QTMAN: variants seen among roughly 807,000 people sequenced by gnomAD.
QTMAN encodes the protein tRNA-queuosine alpha-mannosyltransferase.
At chr2:143,975,272 T>C in the QTMAN span, among the ~76,000 whole-genome samples, 3 of 152,252 alleles carry the variant, frequency 2.0e-5, no homozygotes, top group African/African-American at 7.2e-5. Context: ...TAAATATTTA[T>C]TGAGGATTTC....
chr2:144,295,790 T>A, the QTMAN span, among the ~76,000 whole-genome samples: 1 of 152,000 alleles, frequency 6.6e-6, no homozygotes, highest in East Asian at 1.9e-4. Context: ...TTTTTAAATT[T>A]TTTTGTAGAG....
chr2:144,104,149 G>A, the QTMAN span, among the ~76,000 whole-genome samples: 1 of 151,872 alleles, frequency 6.6e-6, no homozygotes, highest in Admixed American at 6.6e-5. Flanking sequence ...GGCCAAATAG[G>A]AATAGGTCCA....
At chr2:144,303,866 T>C in the QTMAN span, among the ~76,000 whole-genome samples, 5 of 152,208 alleles carry the variant, frequency 3.3e-5, no homozygotes, top group Admixed American at 3.3e-4. Context: ...CTGGAGGCAC[T>C]CTCTGCATCA....
At chr2:144,142,097 C>G in the QTMAN span, 1 of 1,429,540 alleles carries the variant, frequency 7.0e-7, no homozygotes, top group South Asian at 1.2e-5. Flanking sequence ...AGCCCAGACT[C>G]ATTCAGAGTA....
chr2:144,085,353 T>C, the QTMAN span, among the ~76,000 whole-genome samples: 1 of 152,234 alleles, frequency 6.6e-6, no homozygotes, highest in Non-Finnish European at 1.5e-5. Context: ...ACTGGATGCC[T>C]TGTCAAACGG....
At chr2:143,983,872 TTATTTA>T in the QTMAN span, among the ~76,000 whole-genome samples, 1 of 152,232 alleles carries the variant, frequency 6.6e-6, no homozygotes, top group African/African-American at 2.4e-5. Flanking sequence ...ATCGCCATTT[TTATTTA>T]TAACACAGTT....
At chr2:144,138,809 C>T in the QTMAN span, among the ~76,000 whole-genome samples, 1 of 152,012 alleles carries the variant, frequency 6.6e-6, no homozygotes, top group African/African-American at 2.4e-5. Context: ...AAGGAGAAGG[C>T]ATAATTATCT....
chr2:144,319,534 C>A, the QTMAN span, among the ~76,000 whole-genome samples: 2 of 151,922 alleles, frequency 1.3e-5, no homozygotes, highest in Non-Finnish European at 2.9e-5. Context: ...CCACACCAAC[C>A]AATACCACCA....
At chr2:144,133,155 T>TATATA in the QTMAN span, among the ~76,000 whole-genome samples, 5 of 42,384 alleles carry the variant, frequency 1.2e-4, no homozygotes, top group African/African-American at 5.8e-4. Flanking sequence ...ATATATAATA[T>TATATA]AATATAATAT....
the QTMAN span, among the ~76,000 whole-genome samples, chr2:144,085,410 G>C: frequency 6.6e-6 from 1 of 152,192 alleles, no homozygotes; most frequent in Non-Finnish European, 1.5e-5. Flanking sequence ...GGAATAGTGT[G>C]CTTTTGCTAG....
the QTMAN span, among the ~76,000 whole-genome samples, chr2:144,104,630 C>T: frequency 6.6e-6 from 1 of 152,180 alleles, no homozygotes. Flanking sequence ...TGGGTGGAGC[C>T]CAAGGCAGCT....
At chr2:144,194,579 C>A in the QTMAN span, among the ~76,000 whole-genome samples, 1 of 152,086 alleles carries the variant, frequency 6.6e-6, no homozygotes, top group Non-Finnish European at 1.5e-5. Flanking sequence ...GAGTTGTGAA[C>A]AAATACATCA....
chr2:143,970,774 C>T, the QTMAN span: 2 of 1,351,862 alleles, frequency 1.5e-6, no homozygotes, highest in African/African-American at 1.4e-5. Context: ...TGGAAATAAA[C>T]ACACAAAATA....
the QTMAN span, among the ~76,000 whole-genome samples, chr2:144,154,219 G>A: frequency 3.6e-3 from 541 of 152,276 alleles, 3 homozygotes; most frequent in African/African-American, 0.012. Context: ...GACTGCTCTG[G>A]CTATACAAAT....
At chr2:144,212,559 G>T in the QTMAN span, among the ~76,000 whole-genome samples, 4 of 152,252 alleles carry the variant, frequency 2.6e-5, no homozygotes, top group African/African-American at 9.6e-5. Context: ...ACTTAGTTTG[G>T]AAAACAAATA....
chr2:144,202,839 T>A, the QTMAN span, among the ~76,000 whole-genome samples: 3 of 152,200 alleles, frequency 2.0e-5, no homozygotes, highest in African/African-American at 7.2e-5. Context: ...GTGTAATATT[T>A]TATTTTTTAA....
the QTMAN span, among the ~76,000 whole-genome samples, chr2:144,185,973 A>T: frequency 6.6e-6 from 1 of 152,226 alleles, no homozygotes; most frequent in Non-Finnish European, 1.5e-5. Flanking sequence ...GTTTGCCTGT[A>T]TAATAACAGA....
the QTMAN span, among the ~76,000 whole-genome samples, chr2:144,070,194 A>AT: frequency 6.6e-6 from 1 of 152,100 alleles, no homozygotes; most frequent in South Asian, 2.1e-4. Flanking sequence ...TGCTACATAT[A>AT]TTTTTCCTTT....
chr2:144,133,844 T>C, the QTMAN span, among the ~76,000 whole-genome samples: 16 of 151,908 alleles, frequency 1.1e-4, no homozygotes, highest in African/African-American at 3.4e-4. Context: ...TTAGCAAATA[T>C]GGTTAAGTTT....
Sources: allele counts gnomAD v4.1 joint callset (sites outside exome capture counted in the v4.1 genomes callset), GRCh38; gene constraint gnomAD v4.1.1; transcripts MANE v1.5; gene names NCBI Gene and HGNC (gene_info 2026-07-23, HGNC 2026-07-21).